The following INTS10 variants were observed in gnomAD, a reference collection of about 807,000 sequenced individuals.
INTS10 encodes the protein chromosome 8 open reading frame 35.
INTS10 carries 44 observed loss-of-function variants against 94.4 expected under a neutral mutation model. That is an observed-to-expected ratio of 0.47 (90% CI 0.37 to 0.60). The LOEUF (loss-of-function observed/expected upper bound fraction) is 0.60, where lower values mean the gene tolerates loss of function less well. Among genes scored for constraint, INTS10 ranks in the 20% least tolerant of loss-of-function variants. INTS10 has a pLI of 0.00. For synonymous variants in INTS10, 341 were observed against 320.7 expected (o/e 1.06, Z -0.68); for missense variants, 797 against 868.7 (o/e 0.92, Z 1.04).
intron 13 of INTS10, chr8:19,841,720 T>C: frequency 2.4e-6 from 1 of 424,892 alleles, no homozygotes; most frequent in Middle Eastern, 3.4e-4. Flanking sequence ...GAAACCAACT[T>C]CCCATGACCA....
chr8:19,824,782 T>G, intron 7 of INTS10, 21 bp from the exon 8 acceptor site: 1 of 1,576,828 alleles, frequency 6.3e-7, no homozygotes, highest in Non-Finnish European at 8.7e-7. Context: ...CAAATAAGTT[T>G]CATCATTCCT....
Position 19,846,571 on chromosome 8 carries a change from A to G in INTS10, c.1976+774A>G, listed in dbSNP as rs776593380. Among the ~76,000 whole-genome samples, 32 of 152,340 alleles carry G rather than the reference A, an allele frequency of 2.1e-4. No homozygotes were observed. Among genetic ancestry groups the G allele is most frequent in the East Asian group, 7.7e-4 (4 of 5,184 alleles). On this transcript the variant is annotated intron_variant, in intron 16 of 16. Coordinates refer to ENST00000397977, the MANE Select transcript of INTS10 (RefSeq NM_018142.4). The surrounding 1 kb of genome is among the most constrained non-coding windows in gnomAD (Gnocchi z 4.2). ...CTCCTATGCAGTCCTCATGACTTACATAACAACGAAGTATTAATAGCCAGG... is the reference window on the plus strand; with the variant it reads ...CTCCTATGCAGTCCTCATGACTTACGTAACAACGAAGTATTAATAGCCAGG...
Position 19,849,272 on chromosome 8 carries a change from TGCTGTTTGTCA to T in INTS10, c.1977-2376_1977-2366del, listed in dbSNP as rs1301961702. The T allele has an allele frequency of 8.4e-7, 1 of 1,185,754 alleles. No individual in the cohort carries two copies. Among genetic ancestry groups the T allele is most frequent in the East Asian group, 5.8e-5 (1 of 17,202 alleles). 73.5% of individuals were successfully genotyped at this position (1,185,754 alleles called of 1,614,324 possible). A position where few individuals can be genotyped will look rare whatever the true frequency, so the allele number is the denominator to read the frequency against. On this transcript the variant is annotated intron_variant, in intron 16 of 16. Transcript: ENST00000397977. This position sits in a 1 kb window ranked among gnomAD's most constrained non-coding sequence, Gnocchi z 4.6. ...GTGGAATCAACGCCCGCTCATAGTG[TGCTGTTTGTCA>T]ACATGTTCGCTGCCCATGGTTCTCA...
chr8:19,831,910 C>G (rs1280279992), intron 10 of INTS10, 118 bp from the exon 11 acceptor site: 1 of 679,120 alleles, frequency 1.5e-6, no homozygotes, highest in Non-Finnish European at 2.7e-6. Context: ...AAATCAAAGT[C>G]AAAGTTACTA....
At chr8:19,826,601 G>T in intron 9 of INTS10, 42 bp downstream of exon 9, 2 of 1,566,068 alleles carry the variant, frequency 1.3e-6, no homozygotes, top group South Asian at 2.4e-5. Context: ...TGGATGGGAC[G>T]CTTTGCTAGA....
At chr8:19,822,659 A>G (rs1589926690) in intron 5 of INTS10, 139 bp downstream of exon 5, 1 of 553,286 alleles carries the variant, frequency 1.8e-6, no homozygotes, top group Non-Finnish European at 3.1e-6. Flanking sequence ...TTTTTAATTT[A>G]GAAGCATTTT....
intron 13 of INTS10, among the ~76,000 whole-genome samples, chr8:19,839,406 A>T (rs1369071856): frequency 6.6e-6 from 1 of 152,202 alleles, no homozygotes; most frequent in Non-Finnish European, 1.5e-5. Flanking sequence ...CTTTATTCAC[A>T]GTTACATATT....
intron 16 of INTS10, among the ~76,000 whole-genome samples, chr8:19,850,131 CAAAA>C (rs36017013): frequency 7.7e-6 from 1 of 130,682 alleles, no homozygotes; most frequent in Non-Finnish European, 1.6e-5. Context: ...GATGCCATCT[CAAAA>C]AAAAAAAAAG....
chr8:19,830,701 C>CAAA, intron 10 of INTS10, 142 bp downstream of exon 10: 6 of 753,962 alleles, frequency 8.0e-6, no homozygotes, highest in Non-Finnish European at 1.3e-5. Context: ...GACGGAGTCT[C>CAAA]ACTCTTTTTC....
intron 8 of INTS10, 91 bp downstream of exon 8, chr8:19,825,063 TCC>T: frequency 1.0e-5 from 11 of 1,103,006 alleles, no homozygotes; most frequent in Non-Finnish European, 1.4e-5. Flanking sequence ...TATTGCTGGA[TCC>T]GAATAACTGT....
chr8:19,850,062 G>T (rs1445611807), intron 16 of INTS10, among the ~76,000 whole-genome samples: 2 of 151,218 alleles, frequency 1.3e-5, no homozygotes, highest in Non-Finnish European at 2.9e-5. Context: ...GGCAGAGGTG[G>T]CAGTGAGCTG....
chr8:19,829,602 G>C (rs2128771940), intron 9 of INTS10, among the ~76,000 whole-genome samples: 1 of 152,314 alleles, frequency 6.6e-6, no homozygotes, highest in Non-Finnish European at 1.5e-5. Flanking sequence ...GTGCAGGGGA[G>C]TCATGCGCAG....
intron 9 of INTS10, among the ~76,000 whole-genome samples, chr8:19,827,672 GT>G (rs962292572): frequency 6.6e-6 from 1 of 151,626 alleles, no homozygotes; most frequent in Admixed American, 6.6e-5. Flanking sequence ...CTTCCTTCCG[GT>G]TTTTTTTGCC....
chr8:19,830,819 C>T (rs1406225739), intron 10 of INTS10, among the ~76,000 whole-genome samples: 1 of 152,156 alleles, frequency 6.6e-6, no homozygotes, highest in African/African-American at 2.4e-5. Flanking sequence ...ACTACAGGCA[C>T]GTGCGACCAT....
At chr8:19,823,210 A>T in intron 5 of INTS10, 91 bp from the exon 6 acceptor site, 1 of 937,712 alleles carries the variant, frequency 1.1e-6, no homozygotes, top group South Asian at 1.5e-5. Flanking sequence ...TTTAGATACT[A>T]CATCAAATGA....
chr8:19,822,650 T>G (rs1476498738), intron 5 of INTS10, 130 bp downstream of exon 5: 2 of 572,122 alleles, frequency 3.5e-6, no homozygotes, highest in Admixed American at 6.5e-5. Flanking sequence ...GTTCTTTTTT[T>G]TTTAATTTAG....
intron 9 of INTS10, among the ~76,000 whole-genome samples, chr8:19,827,904 A>G (rs2066927169): frequency 6.6e-6 from 1 of 152,164 alleles, no homozygotes; most frequent in South Asian, 2.1e-4. Context: ...TGTTTAAATA[A>G]CCTAGTATTT....
At chr8:19,821,988 C>G (rs1028047531) in intron 4 of INTS10, 1 of 154,184 alleles carries the variant, frequency 6.5e-6, no homozygotes, top group Non-Finnish European at 1.4e-5. Flanking sequence ...CCATTCTACA[C>G]CAGACTGTAT....
chr8:19,828,666 G>A (rs11777843), intron 9 of INTS10, among the ~76,000 whole-genome samples: 137,523 of 151,940 alleles, frequency 0.91, 62,327 homozygotes, highest in African/African-American at 0.93. Flanking sequence ...TTAGGTTGCC[G>A]TTACTTGGCA....
Sources: allele counts gnomAD v4.1 joint callset (sites outside exome capture counted in the v4.1 genomes callset), GRCh38; gene constraint gnomAD v4.1.1; non-coding constraint Gnocchi (gnomAD v3.1); transcripts MANE v1.5; gene names NCBI Gene and HGNC (gene_info 2026-07-23, HGNC 2026-07-21).